Variants in CD1B observed in about 807,000 individuals in gnomAD.
CD1B encodes T-cell surface glycoprotein CD1b.
In CD1B, 43 loss-of-function variants were observed where a neutral mutation model predicts 39.8. The ratio of observed to expected loss-of-function variants is 1.08; its 90% CI spans 0.85 to 1.39. The LOEUF (loss-of-function observed/expected upper bound fraction) is 1.39, where lower values mean the gene tolerates loss of function less well. Ranked by LOEUF, CD1B falls within the 40% of genes most tolerant of loss-of-function variation. The probability of loss-of-function intolerance (pLI) is 0.00; values close to 1 mark genes in which losing one functional copy is unlikely to be tolerated. For missense variants in CD1B, 495 were observed against 403.8 expected (o/e 1.23, Z -1.94); for synonymous variants, 192 against 152.5 (o/e 1.26, Z -1.91).
At position 158,329,502 on chromosome 1, in the gene CD1B, C is replaced by G; in HGVS notation, c.754G>C (p.Asp252His). 6.2e-7 allele frequency: 1 copy of G among 1,614,150 alleles called. No homozygotes were observed. Residue 252 changes from aspartate to histidine, a missense_variant, in exon 4 of 6, where the codon GAC becomes CAC. Asp to His is a moderately conservative substitution (Grantham distance 81). Coordinates refer to ENST00000368168, the MANE Select transcript of CD1B (RefSeq NM_001764.3). ...GTCCAGTTAGCATTGGGCAGGATGT[C>G]CCCTAGCTGAGTGCCCTGCTGCTCC... ...EQEQQGTQLG[D>H]ILPNANWTWY...
At chr1:158,289,729 G>A in the CD1B span, 1 of 204,278 alleles carries the variant, frequency 4.9e-6, no homozygotes, top group Non-Finnish European at 9.9e-6. Context: ...CAAATGACAT[G>A]CAAAATCCAG....
At chr1:158,293,181 T>C in the CD1B span, 3 of 1,518,120 alleles carry the variant, frequency 2.0e-6, no homozygotes, top group East Asian at 6.8e-5. Context: ...GAGTTTAAAA[T>C]GGCATCCATG....
chr1:158,318,122 A>G, the CD1B span, among the ~76,000 whole-genome samples: 1 of 152,042 alleles, frequency 6.6e-6, no homozygotes, highest in Admixed American at 6.5e-5. Context: ...TGTGGTGCTG[A>G]AAAAAATGTA....
chr1:158,296,932 T>C, the CD1B span, among the ~76,000 whole-genome samples: 7 of 152,222 alleles, frequency 4.6e-5, no homozygotes, highest in Non-Finnish European at 1.0e-4. Flanking sequence ...ACAAAATCTC[T>C]GAGAAATATG....
chr1:158,301,596 A>T, the CD1B span, among the ~76,000 whole-genome samples: 1 of 152,210 alleles, frequency 6.6e-6, no homozygotes, highest in African/African-American at 2.4e-5. Flanking sequence ...TCTTTTCTTT[A>T]AGAATGTTGA....
At chr1:158,312,041 G>A in the CD1B span, among the ~76,000 whole-genome samples, 1 of 152,080 alleles carries the variant, frequency 6.6e-6, no homozygotes, top group East Asian at 1.9e-4. Context: ...TATGTCATTG[G>A]TATTTTGATA....
chr1:158,314,907 T>C, the CD1B span, among the ~76,000 whole-genome samples: 1 of 148,512 alleles, frequency 6.7e-6, no homozygotes, highest in Non-Finnish European at 1.5e-5. Context: ...ATATGCGGTG[T>C]TTGGTTTTTT....
chr1:158,289,579 G>A, the CD1B span, among the ~76,000 whole-genome samples: 1 of 152,148 alleles, frequency 6.6e-6, no homozygotes, highest in Non-Finnish European at 1.5e-5. Context: ...ATTCAAAAGG[G>A]GGAAAGAAAG....
At chr1:158,327,190 T>C (rs2101709214), downstream of CD1B, among the ~76,000 whole-genome samples, 1 of 152,310 alleles carries the variant, frequency 6.6e-6, no homozygotes, top group Non-Finnish European at 1.5e-5. Context: ...TGGTGCATTT[T>C]ACAAACCTCT....
chr1:158,290,567 A>T, the CD1B span, among the ~76,000 whole-genome samples: 2 of 152,134 alleles, frequency 1.3e-5, no homozygotes, highest in East Asian at 3.9e-4. Flanking sequence ...GAGTAACTTT[A>T]GTTCAGAGCA....
At chr1:158,293,419 T>G in the CD1B span, 1 of 1,612,078 alleles carries the variant, frequency 6.2e-7, no homozygotes. Flanking sequence ...CACCTCCAAC[T>G]TATTCAGGGT....
chr1:158,326,661 T>G (rs1652364069), downstream of CD1B, among the ~76,000 whole-genome samples: 1 of 152,154 alleles, frequency 6.6e-6, no homozygotes, highest in Non-Finnish European at 1.5e-5. Context: ...AAAGACATGT[T>G]GAAATAGTTA....
the CD1B span, chr1:158,290,101 C>G: frequency 1.2e-6 from 2 of 1,614,038 alleles, no homozygotes; most frequent in Non-Finnish European, 1.7e-6. Flanking sequence ...AGCTCTTCTT[C>G]TCCCAGGTGG....
chr1:158,290,151 G>C, the CD1B span: 2 of 1,606,762 alleles, frequency 1.2e-6, no homozygotes, highest in Non-Finnish European at 1.7e-6. Context: ...TCAGCTGCAA[G>C]GTTACATGTA....
chr1:158,287,217 C>G, the CD1B span, among the ~76,000 whole-genome samples: 2 of 152,246 alleles, frequency 1.3e-5, no homozygotes, highest in East Asian at 1.9e-4. Context: ...AGTGAAGGTT[C>G]TCTTCCTGGT....
chr1:158,297,065 A>C, the CD1B span, among the ~76,000 whole-genome samples: 1 of 152,182 alleles, frequency 6.6e-6, no homozygotes, highest in African/African-American at 2.4e-5. Context: ...CAACTTCACT[A>C]TAGAGGTCAA....
At chr1:158,305,281 A>C in the CD1B span, among the ~76,000 whole-genome samples, 1 of 152,218 alleles carries the variant, frequency 6.6e-6, no homozygotes, top group Non-Finnish European at 1.5e-5. Flanking sequence ...AGAGAACTAC[A>C]TGATGAATAA....
the CD1B span, among the ~76,000 whole-genome samples, chr1:158,308,126 C>A: frequency 6.6e-6 from 1 of 152,184 alleles, no homozygotes; most frequent in East Asian, 1.9e-4. Context: ...TGATAGGCAA[C>A]TTCAGCAAAG....
chr1:158,298,026 G>T, the CD1B span, among the ~76,000 whole-genome samples: 5 of 151,042 alleles, frequency 3.3e-5, no homozygotes, highest in African/African-American at 9.7e-5. Context: ...GACACCCATA[G>T]GCCAAAACTA....
Sources: gnomAD v4.1 joint callset for allele counts (sites outside exome capture counted in the v4.1 genomes callset) on GRCh38, gnomAD v4.1.1 for gene constraint, MANE v1.5 for transcripts, NCBI Gene and HGNC (gene_info 2026-07-23, HGNC 2026-07-21) for gene names.